Variants in PTK7 observed in about 807,000 individuals in gnomAD.
PTK7 encodes the protein protein tyrosine kinase 7 (inactive).
PTK7 carries 39 observed loss-of-function variants against 116.6 expected under a neutral mutation model. That is an observed-to-expected ratio of 0.33 (90% CI 0.26 to 0.44). The LOEUF is 0.44. Among genes scored for constraint, PTK7 ranks in the 20% least tolerant of loss-of-function variants. The pLI is 1.00. For synonymous variants in PTK7, 546 were observed against 563.6 expected (o/e 0.97, Z 0.44); for missense variants, 1,169 against 1,425.6 (o/e 0.82, Z 2.90).
chr6:43,110,389 T>TG (rs1554150403), intron 1 of PTK7, among the ~76,000 whole-genome samples: 13 of 150,474 alleles, frequency 8.6e-5, no homozygotes, highest in African/African-American at 3.0e-4. Flanking sequence ...AGGTTTTTTT[T>TG]TTGTTGTTGT....
At chr6:43,149,496 G>C (rs1031899856) in intron 17 of PTK7, among the ~76,000 whole-genome samples, 2 of 152,236 alleles carry the variant, frequency 1.3e-5, no homozygotes, top group African/African-American at 4.8e-5. Context: ...GCTCATTAAA[G>C]TTCAAGGAGC....
At chr6:43,144,342 G>A (rs1326433736) in intron 14 of PTK7, 109 bp from the exon 15 acceptor site, 1 of 1,410,598 alleles carries the variant, frequency 7.1e-7, no homozygotes, top group African/African-American at 1.4e-5. Flanking sequence ...GGAGCACTGT[G>A]ATTGGACCCA....
At chr6:43,109,790 C>T (rs1768089672) in intron 1 of PTK7, among the ~76,000 whole-genome samples, 1 of 151,306 alleles carries the variant, frequency 6.6e-6, no homozygotes, top group Non-Finnish European at 1.5e-5. Flanking sequence ...ACTCTGCCTC[C>T]CGGGTTCACA....
chr6:43,108,587 A>G (rs1768025633), intron 1 of PTK7, among the ~76,000 whole-genome samples: 1 of 151,808 alleles, frequency 6.6e-6, no homozygotes, highest in Non-Finnish European at 1.5e-5. Flanking sequence ...ATTTTTGTAG[A>G]GACGGGGTTT....
At chr6:43,152,716 G>A (rs1771190878) in intron 17 of PTK7, among the ~76,000 whole-genome samples, 1 of 148,262 alleles carries the variant, frequency 6.7e-6, no homozygotes. Flanking sequence ...AGCAACAGAA[G>A]AACTGAATTT....
intron 15 of PTK7, 96 bp downstream of exon 15, chr6:43,144,702 C>A: frequency 7.0e-7 from 1 of 1,431,824 alleles, no homozygotes; most frequent in South Asian, 1.4e-5. Flanking sequence ...GTCCCTGAAA[C>A]CTAGAATGTT....
chr6:43,103,405 C>T (rs762879083), intron 1 of PTK7, among the ~76,000 whole-genome samples: 16 of 152,044 alleles, frequency 1.1e-4, no homozygotes, highest in Admixed American at 3.9e-4. Flanking sequence ...CTTATTCATC[C>T]TTGAGTTAGG....
chr6:43,079,986 A>G (rs1766282588), intron 1 of PTK7, among the ~76,000 whole-genome samples: 1 of 148,224 alleles, frequency 6.7e-6, no homozygotes. Flanking sequence ...GCCTGAGCCC[A>G]GCAGGTTGAG....
chr6:43,097,740 T>C (rs1237850973), intron 1 of PTK7, among the ~76,000 whole-genome samples: 1 of 152,240 alleles, frequency 6.6e-6, no homozygotes, highest in African/African-American at 2.4e-5. Flanking sequence ...TTCAGGTAAC[T>C]GGCAGTGTGG....
At chr6:43,119,127 A>G (rs1768797633) in intron 1 of PTK7, among the ~76,000 whole-genome samples, 2 of 151,902 alleles carry the variant, frequency 1.3e-5, no homozygotes. Flanking sequence ...ACCTATCCCC[A>G]AGGGTAGGGT....
At chr6:43,146,082 C>T (rs1428113914) in intron 16 of PTK7, 1 of 153,454 alleles carries the variant, frequency 6.5e-6, no homozygotes, top group Non-Finnish European at 1.4e-5. Flanking sequence ...AATCCCAGCA[C>T]TTTGGGAGAC....
At chr6:43,153,407 C>G (rs1003725841) in intron 17 of PTK7, among the ~76,000 whole-genome samples, 4 of 151,132 alleles carry the variant, frequency 2.6e-5, no homozygotes, top group Non-Finnish European at 5.9e-5. Context: ...GCCACCACAC[C>G]CGGCCTGTAT....
Position 43,161,127 on chromosome 6 carries a change from T to G in PTK7, c.*246T>G, listed in dbSNP as rs139936848. Reference sequence around the variant, plus strand: ...GCTGGGCAGTTTTCCCTGCCACCTCTTCCTCTATCAGGGACAGTGTGGGTG... The same window carrying G: ...GCTGGGCAGTTTTCCCTGCCACCTCGTCCTCTATCAGGGACAGTGTGGGTG... On this transcript the variant is annotated 3_prime_UTR_variant, in exon 20 of 20. Coordinates refer to ENST00000230419, the MANE Select transcript of PTK7 (RefSeq NM_002821.5). 5.2e-4 allele frequency: 271 copies of G among 516,852 alleles called. No individual in the cohort carries two copies. Among genetic ancestry groups the G allele is most frequent in the African/African-American group, 4.6e-3 (244 of 52,674 alleles). The allele number at this position is 516,852 out of a possible 1,614,324, so 32.0% of individuals were successfully genotyped here. A position where few individuals can be genotyped will look rare whatever the true frequency, so the allele number is the denominator to read the frequency against.
At chr6:43,157,816 T>C (rs941549715) in intron 17 of PTK7, among the ~76,000 whole-genome samples, 2 of 151,992 alleles carry the variant, frequency 1.3e-5, no homozygotes, top group Non-Finnish European at 2.9e-5. Context: ...AACCTCCGCC[T>C]GCTGGGTTCA....
intron 1 of PTK7, among the ~76,000 whole-genome samples, chr6:43,101,543 C>T (rs1214059888): frequency 2.0e-5 from 3 of 149,586 alleles, no homozygotes; most frequent in Non-Finnish European, 3.0e-5. Context: ...CAGAGCAAGA[C>T]TCCGTCTCAA....
chr6:43,154,728 C>T (rs1237158052), intron 17 of PTK7, among the ~76,000 whole-genome samples: 1 of 152,236 alleles, frequency 6.6e-6, no homozygotes, highest in African/African-American at 2.4e-5. Flanking sequence ...TCCTAGCGCT[C>T]GGGCTTGGCA....
At chr6:43,094,395 G>T (rs1315970726) in intron 1 of PTK7, among the ~76,000 whole-genome samples, 1 of 151,970 alleles carries the variant, frequency 6.6e-6, no homozygotes, top group Non-Finnish European at 1.5e-5. Flanking sequence ...TGGTGGGGTG[G>T]TTTGGTTATG....
intron 1 of PTK7, among the ~76,000 whole-genome samples, chr6:43,124,916 T>C (rs879390226): frequency 5.3e-5 from 8 of 151,720 alleles, no homozygotes; most frequent in Non-Finnish European, 8.8e-5. Flanking sequence ...CTCACGCCTG[T>C]AATCCCAGCA....
Position 43,086,300 on chromosome 6 carries a change from G to A in PTK7, c.79+9733G>A, listed in dbSNP as rs151140338. On this transcript the variant is annotated intron_variant, in intron 1 of 19. Coordinates refer to ENST00000230419, the MANE Select transcript of PTK7 (RefSeq NM_002821.5). Reference sequence around the variant, plus strand: ...ATTTGTGGGAACTTCTGTCTGTGCTGTGGGGAGGTTCCTGAGATTCTGTGT... The same window carrying A: ...ATTTGTGGGAACTTCTGTCTGTGCTATGGGGAGGTTCCTGAGATTCTGTGT... Among the ~76,000 whole-genome samples, 133 of 152,334 alleles carry A rather than the reference G, an allele frequency of 8.7e-4. 1 individual carries two copies. The highest frequency in any genetic ancestry group is 3.1e-3 in the African/African-American group (128 of 41,570).
Sources: gnomAD v4.1 joint callset for allele counts (sites outside exome capture counted in the v4.1 genomes callset) on GRCh38, gnomAD v4.1.1 for gene constraint, MANE v1.5 for transcripts, NCBI Gene and HGNC (gene_info 2026-07-23, HGNC 2026-07-21) for gene names.